The following KIRREL3 variants were observed in gnomAD, a reference collection of about 807,000 sequenced individuals.
KIRREL3 encodes kin of IRRE-like protein 3.
Under a neutral mutation model 89.7 loss-of-function variants are expected in KIRREL3, and 36 were observed. That is an observed-to-expected ratio of 0.40 (90% confidence interval 0.31 to 0.53). The LOEUF is 0.53. Ranked by LOEUF, KIRREL3 falls within the 20% of genes least tolerant of loss-of-function variation. KIRREL3 has a pLI of 0.49. For synonymous variants in KIRREL3, 445 were observed against 441.4 expected (o/e 1.01, Z -0.10); for missense variants, 864 against 1,056.6 (o/e 0.82, Z 2.53).
intron 1 of KIRREL3, among the ~76,000 whole-genome samples, chr11:126,851,057 G>T (rs1295707782): frequency 2.0e-5 from 3 of 152,256 alleles, no homozygotes; most frequent in Non-Finnish European, 4.4e-5. Flanking sequence ...ACTCTCTGAA[G>T]GTGATAGGGC....
rs1190547144 is a variant in KIRREL3 at position 126,844,487 on chromosome 11, A to G, written c.55+155968T>C. On this transcript the variant is annotated intron_variant, in intron 1 of 16. Coordinates refer to ENST00000525144, the MANE Select transcript of KIRREL3 (RefSeq NM_032531.4). The surrounding 1 kb of genome is among the most constrained non-coding windows in gnomAD (Gnocchi z 4.8). ...GCAGATTTTGGGTAGGTGGTGGGGT[A>G]CCCAGATAAAGGATGGGATTGGGTT... Among the ~76,000 whole-genome samples, 1 of 152,164 alleles carries G rather than the reference A, an allele frequency of 6.6e-6. No homozygotes were observed. The highest frequency in any genetic ancestry group is 1.5e-5 in the Non-Finnish European group (1 of 68,022).
At chr11:126,893,863 C>T (rs1178768757) in intron 1 of KIRREL3, among the ~76,000 whole-genome samples, 1 of 152,140 alleles carries the variant, frequency 6.6e-6, no homozygotes, top group Admixed American at 6.5e-5. Context: ...TTTTCTATTT[C>T]TTAGATTGTA....
At chr11:126,451,350 G>A (rs1956135839) in intron 7 of KIRREL3, among the ~76,000 whole-genome samples, 1 of 140,494 alleles carries the variant, frequency 7.1e-6, no homozygotes, top group African/African-American at 2.6e-5. Context: ...GCATGTGTGT[G>A]CGTATGTGAG....
In KIRREL3 at chr11:126,807,371, G is replaced by A. The variant is rs1315661342; in HGVS notation, c.55+193084C>T. Among the ~76,000 whole-genome samples, 1 of 152,212 alleles carries A rather than the reference G, an allele frequency of 6.6e-6. No homozygotes were observed. The highest frequency in any genetic ancestry group is 1.5e-5 in the Non-Finnish European group (1 of 68,040). On this transcript the variant is annotated intron_variant, in intron 1 of 16. Coordinates refer to ENST00000525144, the MANE Select transcript of KIRREL3 (RefSeq NM_032531.4). This position sits in a 1 kb window ranked among gnomAD's most constrained non-coding sequence, Gnocchi z 4.3. ...TGACAGGAGAAAGGACAAACCTGGGGAATGAAACTCTGCCATGTACACATG... is the reference window on the plus strand; with the variant it reads ...TGACAGGAGAAAGGACAAACCTGGGAAATGAAACTCTGCCATGTACACATG...
chr11:126,746,587 C>A (rs1949159740), intron 1 of KIRREL3, among the ~76,000 whole-genome samples: 1 of 152,132 alleles, frequency 6.6e-6, no homozygotes. Flanking sequence ...ACATTGCCAG[C>A]CACCCAGTCA....
In KIRREL3 at chr11:126,643,579, G is replaced by T. The variant is rs1415598213; in HGVS notation, c.56-80667C>A. Among the ~76,000 whole-genome samples, 1 of 152,188 alleles carries T rather than the reference G, an allele frequency of 6.6e-6. No homozygotes were observed. The highest frequency in any genetic ancestry group is 1.5e-5 in the Non-Finnish European group (1 of 68,032). ...GGCAAATCTTTATCTCTACACTGAT[G>T]ATATAGACTTGATCCTTGGGCAAAA... On this transcript the variant is annotated intron_variant, in intron 1 of 16. Coordinates refer to ENST00000525144, the MANE Select transcript of KIRREL3 (RefSeq NM_032531.4). The surrounding 1 kb of genome is among the most constrained non-coding windows in gnomAD (Gnocchi z 4.5).
At chr11:126,600,062 G>A (rs1271648178) in intron 1 of KIRREL3, among the ~76,000 whole-genome samples, 4 of 152,218 alleles carry the variant, frequency 2.6e-5, no homozygotes, top group Admixed American at 6.5e-5. Flanking sequence ...GTTCTGTCCT[G>A]TTGGCTCTCT....
Position 126,903,043 on chromosome 11 carries a change from C to T in KIRREL3, c.55+97412G>A, listed in dbSNP as rs77667234. 5.4e-3 allele frequency among the ~76,000 whole-genome samples: 817 copies of T among 152,266 alleles called. 8 individuals are homozygous for T. Among genetic ancestry groups the T allele is most frequent in the Non-Finnish European group, 8.9e-3 (607 of 68,026 alleles). ...ACCTTGTGAAAGAAGCAAAAAATAG[C>T]ATCATTTACTCAGCAGCATATTGTA... On this transcript the variant is annotated intron_variant, in intron 1 of 16. Coordinates refer to ENST00000525144, the MANE Select transcript of KIRREL3 (RefSeq NM_032531.4). The surrounding 1 kb of genome is among the most constrained non-coding windows in gnomAD (Gnocchi z 4.5).
At chr11:126,984,927 CACCCACT>C (rs1949820042) in intron 1 of KIRREL3, among the ~76,000 whole-genome samples, 1 of 152,176 alleles carries the variant, frequency 6.6e-6, no homozygotes, top group Admixed American at 6.5e-5. Flanking sequence ...TTAACTTTCC[CACCCACT>C]ACCTGTATGA....
In KIRREL3 at chr11:126,696,490, GCAGGCATGTGGC is replaced by G. The variant is rs1947101941; in HGVS notation, c.56-133590_56-133579del. 1.3e-5 allele frequency among the ~76,000 whole-genome samples: 2 copies of G among 152,028 alleles called. No homozygotes were observed. The highest frequency in any genetic ancestry group is 2.9e-5 in the Non-Finnish European group (2 of 68,020). The stretch of plus-strand genomic sequence containing the variant: ...AGCCTGCAAACTCCCACAGCTGTAC[GCAGGCATGTGGC>G]CTCTTGCCTCGACATCTGGCCCCAC... On this transcript the variant is annotated intron_variant, in intron 1 of 16. Transcript: ENST00000525144. The surrounding 1 kb of genome is among the most constrained non-coding windows in gnomAD (Gnocchi z 4.4).
intron 6 of KIRREL3, among the ~76,000 whole-genome samples, chr11:126,457,851 G>A (rs924916656): frequency 2.0e-5 from 3 of 152,110 alleles, no homozygotes; most frequent in Non-Finnish European, 2.9e-5. Context: ...AGGAGCAGAC[G>A]CTGCAAGATG....
At chr11:126,828,062 C>T (rs1943477689) in intron 1 of KIRREL3, among the ~76,000 whole-genome samples, 1 of 152,112 alleles carries the variant, frequency 6.6e-6, no homozygotes, top group African/African-American at 2.4e-5. Context: ...ATTATTATGA[C>T]CATTAAGTAA....
At chr11:126,741,983 A>C (rs1325545193) in intron 1 of KIRREL3, among the ~76,000 whole-genome samples, 21 of 152,196 alleles carry the variant, frequency 1.4e-4, no homozygotes. Context: ...TCACTAGCAG[A>C]GAATGTTGGT....
chr11:126,438,573 C>CA (rs1955447328), intron 11 of KIRREL3, among the ~76,000 whole-genome samples: 1 of 152,210 alleles, frequency 6.6e-6, no homozygotes, highest in Admixed American at 6.5e-5. Flanking sequence ...CAGTGAGAAC[C>CA]GCTGGCCTAG....
In KIRREL3 at chr11:126,553,227, T is replaced by A. The variant is rs1186321874; in HGVS notation, c.133+9608A>T. On this transcript the variant is annotated intron_variant, in intron 2 of 16. Coordinates refer to ENST00000525144, the MANE Select transcript of KIRREL3 (RefSeq NM_032531.4). This position sits in a 1 kb window ranked among gnomAD's most constrained non-coding sequence, Gnocchi z 4.7. ...TGTGTCCCTTGGTCTGAAGAAATGA[T>A]GGTCAGCTGTCCAAATGCATACAAT... Among the ~76,000 whole-genome samples, 1 of 152,192 alleles carries A rather than the reference T, an allele frequency of 6.6e-6. No individual in the cohort carries two copies.
rs142794978 is a variant in KIRREL3, at chr11:126,603,892, C to T, written c.56-40980G>A. ...TTTTACCCATGTCTCCCCAAATAGC[C>T]CCCCCTCCTCCCACTAGCCCCGAGG... On this transcript the variant is annotated intron_variant, in intron 1 of 16. Transcript: ENST00000525144. Among the ~76,000 whole-genome samples, 8 of 152,266 alleles carry T rather than the reference C, an allele frequency of 5.3e-5. No homozygotes were observed. In the South Asian group the frequency reaches 1.0e-3, roughly 20 times the overall value.
At position 126,912,541 on chromosome 11, in the gene KIRREL3, C is replaced by T. The variant is rs919760548; in HGVS notation, c.55+87914G>A. 2.0e-5 allele frequency among the ~76,000 whole-genome samples: 3 copies of T among 152,330 alleles called. No homozygotes were observed. The highest frequency in any genetic ancestry group is 1.9e-4 in the East Asian group (1 of 5,178). On this transcript the variant is annotated intron_variant, in intron 1 of 16. Transcript: ENST00000525144. This position sits in a 1 kb window ranked among gnomAD's most constrained non-coding sequence, Gnocchi z 4.7. ...ACTCACCTACAAAACAAGCAACCCA[C>T]CATGAGCTGTGAGATGGAAATAACT...
chr11:126,692,632 T>C (rs1946925631), intron 1 of KIRREL3, among the ~76,000 whole-genome samples: 1 of 140,664 alleles, frequency 7.1e-6, no homozygotes, highest in African/African-American at 2.7e-5. Flanking sequence ...ATATAGCATA[T>C]ACATACAATG....
Position 126,513,830 on chromosome 11 carries a change from A to G in KIRREL3, c.433+7485T>C, listed in dbSNP as rs1212754359. Among the ~76,000 whole-genome samples, 3 of 152,174 alleles carry G rather than the reference A, an allele frequency of 2.0e-5. No individual in the cohort carries two copies. Among genetic ancestry groups the G allele is most frequent in the Admixed American group, 2.0e-4 (3 of 15,284 alleles). On this transcript the variant is annotated intron_variant, in intron 4 of 16. Coordinates refer to ENST00000525144, the MANE Select transcript of KIRREL3 (RefSeq NM_032531.4). This position sits in a 1 kb window ranked among gnomAD's most constrained non-coding sequence, Gnocchi z 5.9. ...AGACCTTCTATCTCATCTGGCCCCCAACAGCAACTACTCAGCGTGGCATTA... is the reference window on the plus strand; with the variant it reads ...AGACCTTCTATCTCATCTGGCCCCCGACAGCAACTACTCAGCGTGGCATTA...
Sources: allele counts gnomAD v4.1 joint callset (sites outside exome capture counted in the v4.1 genomes callset), GRCh38; gene constraint gnomAD v4.1.1; non-coding constraint Gnocchi (gnomAD v3.1); transcripts MANE v1.5; gene names NCBI Gene and HGNC (gene_info 2026-07-23, HGNC 2026-07-21).